SLAIN1: variants seen among roughly 807,000 people sequenced by gnomAD.
The protein encoded by SLAIN1 is SLAIN motif-containing protein 1.
Under a neutral mutation model 55.4 loss-of-function variants are expected in SLAIN1, and 17 were observed. The ratio of observed to expected loss-of-function variants is 0.31; its 90% CI spans 0.21 to 0.46. The LOEUF (loss-of-function observed/expected upper bound fraction) is 0.46, where lower values mean the gene tolerates loss of function less well. Among genes scored for constraint, SLAIN1 ranks in the 20% least tolerant of loss-of-function variants. The probability of loss-of-function intolerance (pLI) is 1.00; values close to 1 mark genes in which losing one functional copy is unlikely to be tolerated. For synonymous variants in SLAIN1, 348 were observed against 337.4 expected, an observed-to-expected ratio of 1.03 and a Z score of -0.35; for missense variants, 682 against 785.1, an observed-to-expected ratio of 0.87 and a Z score of 1.57.
chr13:77,752,450 A>G (rs1594293215), intron 4 of SLAIN1, among the ~76,000 whole-genome samples: 1 of 152,078 alleles, frequency 6.6e-6, no homozygotes, highest in East Asian at 1.9e-4. Flanking sequence ...AAGTCTTTTT[A>G]TAGAAGTTTC....
intron 1 of SLAIN1, among the ~76,000 whole-genome samples, chr13:77,710,355 A>G (rs1358226780): frequency 6.6e-6 from 1 of 152,166 alleles, no homozygotes; most frequent in Non-Finnish European, 1.5e-5. Context: ...AAAGGCACAT[A>G]TAGGCTCAAA....
intron 2 of SLAIN1, among the ~76,000 whole-genome samples, chr13:77,725,751 G>A (rs917329428): frequency 2.0e-5 from 3 of 152,066 alleles, no homozygotes; most frequent in African/African-American, 4.8e-5. Context: ...ACCCTAGGCC[G>A]TTAGCCCAGT....
intron 2 of SLAIN1, among the ~76,000 whole-genome samples, chr13:77,730,167 CAT>C (rs1169950833): frequency 5.9e-5 from 9 of 152,212 alleles, no homozygotes; most frequent in Admixed American, 5.2e-4. Context: ...AGAAACTAGA[CAT>C]GTGTGCAGCG....
At chr13:77,729,080 G>C (rs1250183725) in intron 2 of SLAIN1, among the ~76,000 whole-genome samples, 1 of 152,058 alleles carries the variant, frequency 6.6e-6, no homozygotes, top group Non-Finnish European at 1.5e-5. Flanking sequence ...ATGTTGCTTT[G>C]CTCTTATGTT....
At chr13:77,713,199 A>G in intron 1 of SLAIN1, among the ~76,000 whole-genome samples, 1 of 152,234 alleles carries the variant, frequency 6.6e-6, no homozygotes, top group East Asian at 1.9e-4. Flanking sequence ...CAAAAGCCAA[A>G]ATTGACAAAT....
intron 2 of SLAIN1, among the ~76,000 whole-genome samples, chr13:77,723,645 A>G (rs571075974): frequency 3.9e-5 from 6 of 152,102 alleles, no homozygotes; most frequent in African/African-American, 1.2e-4. Context: ...CTTATTTCTG[A>G]TTCTTATTTG....
At chr13:77,749,227 T>C (rs997281390) in intron 4 of SLAIN1, among the ~76,000 whole-genome samples, 2 of 152,246 alleles carry the variant, frequency 1.3e-5, no homozygotes, top group African/African-American at 4.8e-5. Flanking sequence ...TAATATTTAC[T>C]GCTTTTGTAG....
intron 2 of SLAIN1, among the ~76,000 whole-genome samples, chr13:77,726,171 T>C (rs921524987): frequency 6.6e-6 from 1 of 152,182 alleles, no homozygotes; most frequent in Non-Finnish European, 1.5e-5. Flanking sequence ...GAAAGTTTTT[T>C]TTTCTGAAGA....
intron 1 of SLAIN1, among the ~76,000 whole-genome samples, chr13:77,716,716 C>A (rs745346283): frequency 2.6e-5 from 4 of 152,128 alleles, no homozygotes; most frequent in Non-Finnish European, 5.9e-5. Flanking sequence ...TTTCCTACAT[C>A]AATCTGGTAT....
rs1291064647 is a variant in SLAIN1 at position 77,697,970 on chromosome 13, C to T, written c.57C>T (p.Ser19=). ...ASAGVSSGAG[S]GPVVNAELEV... ...CAGGGGTCAGCTCTGGAGCGGGCTCCGGGCCGGTGGTGAACGCGGAGCTGG... is the reference window on the plus strand; with the variant it reads ...CAGGGGTCAGCTCTGGAGCGGGCTCTGGGCCGGTGGTGAACGCGGAGCTGG... Residue 19 remains serine (S), a synonymous_variant, in exon 1 of 7, where the codon TCC becomes TCT. Coordinates refer to ENST00000418532, the MANE Select transcript of SLAIN1 (RefSeq NM_001242868.2). The T allele has an allele frequency of 1.4e-6, 2 of 1,449,610 alleles. No individual in the cohort carries two copies. Among genetic ancestry groups the T allele is most frequent in the Non-Finnish European group, 9.2e-7 (1 of 1,092,658 alleles). The allele number at this position is 1,449,610 out of a possible 1,614,324, so 89.8% of individuals were successfully genotyped here.
chr13:77,761,025 A>G lies in SLAIN1; in HGVS notation c.1612A>G (p.Met538Val), dbSNP rs371269566. The G allele has an allele frequency of 6.2e-6, 10 of 1,614,086 alleles. No homozygotes were observed. The highest frequency in any genetic ancestry group is 4.0e-5 in the African/African-American group (3 of 74,932). Residue 538 changes from methionine to valine, a missense_variant, in exon 6 of 7, where the codon ATG becomes GTG. Around this residue, in one of 3 missense-constraint regions of SLAIN1, gnomAD observed 244 missense variants for 295.2 expected, o/e 0.83. Transcript: ENST00000418532. ...GAACAAAGCTGCAGCTTCTGGGATA[A>G]TGGGTCGCAGTGCACTCCCAAGACC... ...TPNKAAASGIMGRSALPRPSL... is the reference protein window; with the variant it reads ...TPNKAAASGIVGRSALPRPSL...
chr13:77,752,288 C>CTTTTTTT (rs79381085), intron 4 of SLAIN1, among the ~76,000 whole-genome samples: 1 of 94,202 alleles, frequency 1.1e-5, no homozygotes, highest in African/African-American at 3.8e-5. Context: ...TTCTAGGGTT[C>CTTTTTTT]TTTTTTTTTT....
intron 1 of SLAIN1, chr13:77,699,245 A>C: frequency 2.6e-6 from 1 of 379,560 alleles, no homozygotes; most frequent in East Asian, 4.0e-5. Flanking sequence ...TTTTTTATTT[A>C]TTTATTTATT....
intron 1 of SLAIN1, among the ~76,000 whole-genome samples, chr13:77,715,683 T>C (rs1287291711): frequency 6.6e-6 from 1 of 152,166 alleles, no homozygotes; most frequent in Non-Finnish European, 1.5e-5. Context: ...TTCTAATGAT[T>C]AATGATGAAC....
intron 1 of SLAIN1, among the ~76,000 whole-genome samples, chr13:77,711,025 A>C (rs956641556): frequency 1.3e-5 from 2 of 152,228 alleles, no homozygotes; most frequent in African/African-American, 4.8e-5. Context: ...AAGTTCTTTA[A>C]AACCAATGAG....
intron 4 of SLAIN1, among the ~76,000 whole-genome samples, chr13:77,749,272 TA>T (rs1354412564): frequency 6.6e-6 from 1 of 152,190 alleles, no homozygotes; most frequent in Non-Finnish European, 1.5e-5. Context: ...AGATGGTTCA[TA>T]AAACTTTCTG....
intron 5 of SLAIN1, among the ~76,000 whole-genome samples, chr13:77,758,443 A>G (rs1315948586): frequency 6.6e-6 from 1 of 151,594 alleles, no homozygotes; most frequent in African/African-American, 2.4e-5. Context: ...GGTCCCATTT[A>G]TTTATTTTTG....
intron 1 of SLAIN1, among the ~76,000 whole-genome samples, chr13:77,700,952 C>A (rs1037791319): frequency 1.3e-5 from 2 of 152,150 alleles, no homozygotes; most frequent in Non-Finnish European, 2.9e-5. Flanking sequence ...TAATACTCTG[C>A]AGCTCCTTCA....
intron 2 of SLAIN1, among the ~76,000 whole-genome samples, chr13:77,740,551 A>G (rs1873372362): frequency 7.0e-6 from 1 of 142,066 alleles, no homozygotes; most frequent in Non-Finnish European, 1.5e-5. Context: ...TTTTTTATAA[A>G]TAGAACTCTG....
Sources: gnomAD v4.1 joint callset for allele counts (sites outside exome capture counted in the v4.1 genomes callset) on GRCh38, gnomAD v4.1.1 for gene constraint, gnomAD v4.1.1 regional missense constraint, MANE v1.5 for transcripts, NCBI Gene and HGNC (gene_info 2026-07-23, HGNC 2026-07-21) for gene names.